Variants in APLP2 observed in about 807,000 individuals in gnomAD.
APLP2 encodes CDEI box-binding protein.
APLP2 carries 53 observed loss-of-function variants against 89.9 expected under a neutral mutation model. The observed-to-expected ratio is 0.59, with a 90% CI of 0.47 to 0.74. The LOEUF (loss-of-function observed/expected upper bound fraction) is 0.74, where lower values mean the gene tolerates loss of function less well. Ranked by LOEUF, APLP2 falls within the 30% of genes least tolerant of loss-of-function variation. The pLI is 0.00. For missense variants in APLP2, 973 were observed against 975.9 expected (o/e 1.00, Z 0.04); for synonymous variants, 372 against 348.6 (o/e 1.07, Z -0.75).
chr11:130,120,571 G>A, intron 3 of APLP2, 135 bp from the exon 4 acceptor site: 2 of 675,710 alleles, frequency 3.0e-6, no homozygotes, highest in Non-Finnish European at 5.4e-6. Context: ...AGCCTTTGAA[G>A]GTACGAGATG....
At chr11:130,096,003 A>G (rs1462967974) in intron 1 of APLP2, among the ~76,000 whole-genome samples, 1 of 152,208 alleles carries the variant, frequency 6.6e-6, no homozygotes, top group Non-Finnish European at 1.5e-5. Context: ...TGAATGAGCA[A>G]GGTCGTTTCA....
At position 130,122,415 on chromosome 11, in the gene APLP2, A is replaced by G. The variant is rs969197028; in HGVS notation, c.824A>G (p.Tyr275Cys). The G allele has an allele frequency of 1.2e-6, 2 of 1,614,214 alleles. No individual in the cohort carries two copies. The highest frequency in any genetic ancestry group is 1.7e-6 in the Non-Finnish European group (2 of 1,180,034). ...GTGGTGGAGGACCGAGATTACTACT[A>G]TGACACCTTCAAAGGAGATGACTAC... is the stretch of plus-strand genomic sequence containing the variant. ...EEVVEDRDYY[Y>C]DTFKGDDYNE... The change falls in exon 6 of 17, where the codon TAT becomes TGT. Residue 275 changes from tyrosine to cysteine, a missense_variant. Tyr to Cys is a radical substitution (Grantham distance 194). Coordinates refer to ENST00000338167, the MANE Select transcript of APLP2 (RefSeq NM_001142276.2).
intron 7 of APLP2, among the ~76,000 whole-genome samples, chr11:130,124,562 A>G (rs1356438976): frequency 6.6e-6 from 1 of 152,180 alleles, no homozygotes; most frequent in Non-Finnish European, 1.5e-5. Context: ...TAACCTACAC[A>G]TTAGGAAAAT....
chr11:130,133,162 G>T (rs1258700556), intron 11 of APLP2, among the ~76,000 whole-genome samples: 1 of 148,618 alleles, frequency 6.7e-6, no homozygotes, highest in African/African-American at 2.5e-5. Flanking sequence ...TTGCTCTGTT[G>T]CCTAGGTTGG....
chr11:130,085,622 T>A (rs1395810016), intron 1 of APLP2, among the ~76,000 whole-genome samples: 9 of 152,228 alleles, frequency 5.9e-5, no homozygotes. Flanking sequence ...TTTAACTGTT[T>A]TTAAGTGTAC....
chr11:130,114,596 C>T lies in APLP2; in HGVS notation c.403+3935C>T, dbSNP rs149836214. On this transcript the variant is annotated intron_variant, in intron 3 of 16. Transcript: ENST00000338167. The stretch of plus-strand genomic sequence containing the variant: ...ACATGTCCCTATCATTCTTTGAGAA[C>T]TTTACTTTCTGATACAAAAGATTCT... Among the ~76,000 whole-genome samples, 396 of 152,260 alleles carry T rather than the reference C, an allele frequency of 2.6e-3. 2 individuals are homozygous for T. Among genetic ancestry groups the T allele is most frequent in the African/African-American group, 9.0e-3 (372 of 41,530 alleles).
intron 7 of APLP2, among the ~76,000 whole-genome samples, chr11:130,125,513 T>C (rs1028536511): frequency 9.2e-5 from 14 of 152,234 alleles, no homozygotes; most frequent in African/African-American, 3.1e-4. Flanking sequence ...TTAAAACTTA[T>C]GTAGGGCTCA....
intron 3 of APLP2, among the ~76,000 whole-genome samples, chr11:130,117,838 C>A (rs541794364): frequency 6.6e-6 from 1 of 152,000 alleles, no homozygotes; most frequent in Non-Finnish European, 1.5e-5. Flanking sequence ...TTGGGGAGGC[C>A]GAGGCCGGGG....
At chr11:130,070,951 G>C (rs531873544) in intron 1 of APLP2, among the ~76,000 whole-genome samples, 78 of 151,870 alleles carry the variant, frequency 5.1e-4, no homozygotes, top group Non-Finnish European at 5.6e-4. Context: ...GGGCGGGGGC[G>C]GCGGGGTCCG....
At chr11:130,137,217 C>G in intron 13 of APLP2, 1 of 1,586,316 alleles carries the variant, frequency 6.3e-7, no homozygotes, top group Non-Finnish European at 8.7e-7. Flanking sequence ...TCCTTTTGTG[C>G]TATTTTATTT....
chr11:130,070,333 G>T (rs1940691937), intron 1 of APLP2, among the ~76,000 whole-genome samples: 1 of 151,286 alleles, frequency 6.6e-6, no homozygotes, highest in Non-Finnish European at 1.5e-5. Context: ...GCGGCCGTCC[G>T]CCTCGGCCGA....
intron 7 of APLP2, among the ~76,000 whole-genome samples, chr11:130,126,392 A>G (rs1950367590): frequency 6.6e-6 from 1 of 152,224 alleles, no homozygotes; most frequent in Admixed American, 6.5e-5. Context: ...GGGTTCGAGC[A>G]CTGAAGGGAA....
At chr11:130,095,598 G>A (rs1024794203) in intron 1 of APLP2, among the ~76,000 whole-genome samples, 3 of 152,244 alleles carry the variant, frequency 2.0e-5, no homozygotes, top group Admixed American at 6.5e-5. Context: ...CCACTTGGGT[G>A]GAAGCTGTCC....
Position 130,126,674 on chromosome 11 carries a change from G to A in APLP2, c.1091-26G>A, listed in dbSNP as rs751739173. The A allele has an allele frequency of 2.5e-6, 4 of 1,612,314 alleles. No homozygotes were observed. In the South Asian group the frequency reaches 4.4e-5, roughly 18 times the overall value. On this transcript the variant is annotated intron_variant, in intron 7 of 16. Transcript: ENST00000338167. ...AGCACAGTGCATCTGATCCCAAAGA[G>A]AACTCCCTCTGTAATTTTGTTTCAG... is the stretch of plus-strand genomic sequence containing the variant.
chr11:130,140,402 T>C lies in APLP2; in HGVS notation c.1842T>C (p.Ser614=). 1.2e-6 allele frequency: 2 copies of C among 1,606,088 alleles called. No homozygotes were observed. Among genetic ancestry groups the C allele is most frequent in the Non-Finnish European group, 1.7e-6 (2 of 1,176,434 alleles). The change falls in exon 14 of 17, where the codon TCT becomes TCC. Residue 614 remains serine, a synonymous_variant. Transcript: ENST00000338167. ...CCATGATCTCTCTCCACACAGGATC[T>C]GGAGTGGGAGAGCAGGATGGGGGAC... is the stretch of plus-strand genomic sequence containing the variant. ...PFPALPENEG[S]GVGEQDGGLI...
At chr11:130,117,974 G>A (rs1949390960) in intron 3 of APLP2, among the ~76,000 whole-genome samples, 1 of 152,046 alleles carries the variant, frequency 6.6e-6, no homozygotes. Flanking sequence ...CTACTTGGGA[G>A]GCTGAGGCAG....
At chr11:130,077,586 A>C (rs1475463259) in intron 1 of APLP2, among the ~76,000 whole-genome samples, 1 of 151,420 alleles carries the variant, frequency 6.6e-6, no homozygotes, top group East Asian at 1.9e-4. Flanking sequence ...GTTGAATCTT[A>C]ACATTTCTCA....
intron 4 of APLP2, among the ~76,000 whole-genome samples, 171 bp downstream of exon 4, chr11:130,120,989 G>A (rs1949746648): frequency 6.6e-6 from 1 of 152,212 alleles, no homozygotes; most frequent in Non-Finnish European, 1.5e-5. Context: ...AGAGAAGTAG[G>A]TATTTGTGTA....
chr11:130,096,314 T>G (rs1188698901), intron 1 of APLP2, among the ~76,000 whole-genome samples: 1 of 152,218 alleles, frequency 6.6e-6, no homozygotes, highest in East Asian at 1.9e-4. Flanking sequence ...TTAGCCACTC[T>G]GAATTCTCTG....
Sources: gnomAD v4.1 joint callset for allele counts (sites outside exome capture counted in the v4.1 genomes callset) on GRCh38, gnomAD v4.1.1 for gene constraint, MANE v1.5 for transcripts, NCBI Gene and HGNC (gene_info 2026-07-23, HGNC 2026-07-21) for gene names.